Variants in AP2A2 observed in about 807,000 individuals in gnomAD.
AP2A2 encodes the protein adaptor related protein complex 2 subunit alpha 2, also known as AP-2 complex subunit alpha-2.
In AP2A2, 32 loss-of-function variants were observed where a neutral mutation model predicts 104.2. The ratio of observed to expected loss-of-function variants is 0.31; its 90% CI spans 0.23 to 0.41. AP2A2 has a LOEUF of 0.41. Ranked by LOEUF, AP2A2 falls within the 10% of genes least tolerant of loss-of-function variation. AP2A2 has a pLI of 1.00. For synonymous variants in AP2A2, 539 were observed against 533.3 expected, an observed-to-expected ratio of 1.01 and a Z score of -0.15; for missense variants, 912 against 1,261.0, an observed-to-expected ratio of 0.72 and a Z score of 4.19.
chr11:988,559 G>A lies in AP2A2; in HGVS notation c.1139G>A (p.Arg380Gln), dbSNP rs777620962. Residue 380 changes from arginine to glutamine, a missense_variant, in exon 10 of 22, where the codon CGG becomes CAG. Arg to Gln is a conservative substitution (Grantham distance 43). Transcript: ENST00000448903. ...CTGTGCCTTGTTCCCCAGACTGAGC[G>A]GGACGTGAGCGTGCGGCAGCGGGCC... ...ETVINALKTE[R>Q]DVSVRQRAVD... 1 of 1,611,324 alleles carries A rather than the reference G, an allele frequency of 6.2e-7. No homozygotes were observed. The highest frequency in any genetic ancestry group is 1.1e-5 in the South Asian group (1 of 91,064).
Position 977,123 on chromosome 11 carries a change from G to A in AP2A2, c.502G>A (p.Ala168Thr), listed in dbSNP as rs1371543585. 15 of 1,613,652 alleles carry A rather than the reference G, an allele frequency of 9.3e-6. No homozygotes were observed. The highest frequency in any genetic ancestry group is 1.2e-5 in the Non-Finnish European group (14 of 1,179,820). The change falls in exon 5 of 22, where the codon GCG (alanine) becomes ACG (threonine). Residue 168 changes from alanine to threonine, a missense_variant. Coordinates refer to ENST00000448903, the MANE Select transcript of AP2A2 (RefSeq NM_012305.4). ...GDTMDSVKQSAALCLLRLYRT... is the reference protein window; with the variant it reads ...GDTMDSVKQSTALCLLRLYRT... ...CACTATGGACAGCGTGAAGCAGAGCGCGGCCCTGTGCTTGCTGCGCCTGTA... is the reference window on the plus strand; with the variant it reads ...CACTATGGACAGCGTGAAGCAGAGCACGGCCCTGTGCTTGCTGCGCCTGTA...
rs1351406091 is a variant in AP2A2, at chr11:993,535, A to G, written c.1550+154A>G. ...GTCTTTTTGTTTTCCTTCAGTTGAT[A>G]GAAAAAGCAGGGATTCTAGTAGAAA... On this transcript the variant is annotated intron_variant, in intron 12 of 21. Transcript: ENST00000448903. This position sits in a 1 kb window ranked among gnomAD's most constrained non-coding sequence, Gnocchi z 8.2. Among the ~76,000 whole-genome samples, 1 of 152,070 alleles carries G rather than the reference A, an allele frequency of 6.6e-6. No homozygotes were observed. Among genetic ancestry groups the G allele is most frequent in the Non-Finnish European group, 1.5e-5 (1 of 68,014 alleles).
chr11:1,007,612 C>T, intron 17 of AP2A2: 1 of 273,886 alleles, frequency 3.7e-6, no homozygotes. Context: ...CCCAGCAGGG[C>T]AGGCTCTTTT....
intron 1 of AP2A2, among the ~76,000 whole-genome samples, chr11:931,550 A>G (rs193174770): frequency 2.0e-5 from 3 of 152,210 alleles, no homozygotes; most frequent in African/African-American, 7.2e-5. Flanking sequence ...CAGGCAGGAA[A>G]TGACCATTTT....
intron 4 of AP2A2, among the ~76,000 whole-genome samples, chr11:975,772 T>G (rs1855009551): frequency 6.7e-6 from 1 of 148,896 alleles, no homozygotes; most frequent in African/African-American, 2.5e-5. Flanking sequence ...CGTCGGAGAG[T>G]GGCGGTGGGG....
intron 6 of AP2A2, among the ~76,000 whole-genome samples, chr11:981,948 C>T (rs1256273433): frequency 6.6e-6 from 1 of 152,284 alleles, no homozygotes; most frequent in Non-Finnish European, 1.5e-5. Flanking sequence ...CTGCCGTGCA[C>T]ACGGCTCTCA....
intron 17 of AP2A2, chr11:1,007,146 G>A (rs1338967361): frequency 6.4e-6 from 1 of 155,126 alleles, no homozygotes; most frequent in Non-Finnish European, 1.5e-5. Flanking sequence ...CTAAGGATAG[G>A]CCCGCCAAAT....
At chr11:932,468 G>C (rs1401000846) in intron 1 of AP2A2, among the ~76,000 whole-genome samples, 1 of 152,220 alleles carries the variant, frequency 6.6e-6, no homozygotes, top group Non-Finnish European at 1.5e-5. Flanking sequence ...ATCAGCATCA[G>C]AATTGGTCAG....
Position 1,011,438 on chromosome 11 carries a change from C to T in AP2A2, c.*813C>T, listed in dbSNP as rs754534008. ...GGCGTCCCCAGGCCACGGTGCAGGCCTGAGTCCTTCCACCGGCCCCGTCCA... is the reference window on the plus strand; with the variant it reads ...GGCGTCCCCAGGCCACGGTGCAGGCTTGAGTCCTTCCACCGGCCCCGTCCA... On this transcript the variant is annotated 3_prime_UTR_variant, in exon 22 of 22. Coordinates refer to ENST00000448903, the MANE Select transcript of AP2A2 (RefSeq NM_012305.4). 1.5e-4 allele frequency: 77 copies of T among 501,546 alleles called. No homozygotes were observed. Among genetic ancestry groups the T allele is most frequent in the South Asian group, 1.1e-3 (74 of 69,368 alleles). The allele number at this position is 501,546 out of a possible 1,614,324, so 31.1% of individuals were successfully genotyped here.
intron 15 of AP2A2, among the ~76,000 whole-genome samples, chr11:1,003,082 G>C (rs1856078151): frequency 6.6e-6 from 1 of 152,266 alleles, no homozygotes; most frequent in Non-Finnish European, 1.5e-5. Context: ...TCTTCTGAGA[G>C]AAACACAAAT....
intron 1 of AP2A2, among the ~76,000 whole-genome samples, chr11:955,372 G>C (rs116298685): frequency 0.029 from 4,377 of 152,280 alleles, 217 homozygotes; most frequent in African/African-American, 0.098. Context: ...ATCCTGGGGG[G>C]CATCAGGCTG....
At chr11:953,726 A>C (rs1854133572) in intron 1 of AP2A2, among the ~76,000 whole-genome samples, 1 of 151,690 alleles carries the variant, frequency 6.6e-6, no homozygotes. Context: ...AGGTCACTCC[A>C]TCCCTGGTTC....
chr11:982,775 C>T (rs1481344194), intron 6 of AP2A2, among the ~76,000 whole-genome samples: 3 of 151,380 alleles, frequency 2.0e-5, no homozygotes, highest in Admixed American at 6.6e-5. Context: ...CTCAGCCTCC[C>T]GAGTAGCTGG....
chr11:1,010,928 G>A lies in AP2A2; in HGVS notation c.*303G>A, dbSNP rs1167886405. 13 of 708,416 alleles carry A rather than the reference G, an allele frequency of 1.8e-5. No individual in the cohort carries two copies. The highest frequency in any genetic ancestry group is 9.1e-5 in the South Asian group (6 of 65,812). The allele number at this position is 708,416 out of a possible 1,614,324, so 43.9% of individuals were successfully genotyped here. On this transcript the variant is annotated 3_prime_UTR_variant, in exon 22 of 22. Coordinates refer to ENST00000448903, the MANE Select transcript of AP2A2 (RefSeq NM_012305.4). Reference sequence around the variant, plus strand: ...AATTAAAGGGAAATTAGAAGTTGGCGTGAACGTGGCGTTTGTGGGAGTGTC... The same window carrying A: ...AATTAAAGGGAAATTAGAAGTTGGCATGAACGTGGCGTTTGTGGGAGTGTC...
At chr11:940,401 C>T (rs899888347) in intron 1 of AP2A2, among the ~76,000 whole-genome samples, 8 of 152,132 alleles carry the variant, frequency 5.3e-5, no homozygotes, top group African/African-American at 1.9e-4. Context: ...TTTCTCTTTT[C>T]TCTGTATTTC....
intron 6 of AP2A2, among the ~76,000 whole-genome samples, 181 bp from the exon 7 acceptor site, chr11:984,464 G>A (rs1478296499): frequency 2.6e-5 from 4 of 152,208 alleles, no homozygotes; most frequent in Admixed American, 6.5e-5. Context: ...CCGAGTGACA[G>A]TGCAGCCCTC....
At chr11:966,121 C>T (rs887904563) in intron 2 of AP2A2, among the ~76,000 whole-genome samples, 4 of 152,242 alleles carry the variant, frequency 2.6e-5, no homozygotes, top group African/African-American at 9.6e-5. Flanking sequence ...GCTGGGATTA[C>T]AGGCGTAAGC....
chr11:991,130 G>A (rs1053695397), intron 10 of AP2A2, among the ~76,000 whole-genome samples: 7 of 151,684 alleles, frequency 4.6e-5, no homozygotes, highest in African/African-American at 1.2e-4. Flanking sequence ...CCTTTCAGCC[G>A]GGTATGGTGC....
At chr11:957,200 T>A (rs914742356) in intron 1 of AP2A2, among the ~76,000 whole-genome samples, 13 of 152,190 alleles carry the variant, frequency 8.5e-5, no homozygotes, top group Non-Finnish European at 1.6e-4. Flanking sequence ...GCAGGTGACG[T>A]GATGCGTAGG....
Sources: gnomAD v4.1 joint callset for allele counts (sites outside exome capture counted in the v4.1 genomes callset) on GRCh38, gnomAD v4.1.1 for gene constraint, Gnocchi (gnomAD v3.1) non-coding constraint, MANE v1.5 for transcripts, NCBI Gene and HGNC (gene_info 2026-07-23, HGNC 2026-07-21) for gene names.